Variants in PIMREG observed in about 807,000 individuals in gnomAD.
The protein encoded by PIMREG is protein PIMREG.
PIMREG carries 19 observed loss-of-function variants against 24.3 expected under a neutral mutation model. The observed-to-expected ratio is 0.78, with a 90% CI of 0.54 to 1.15. PIMREG has a LOEUF of 1.15. Among genes scored for constraint, PIMREG ranks in the 50% most tolerant of loss-of-function variants. The probability of loss-of-function intolerance (pLI) is 0.00; values close to 1 mark genes in which losing one functional copy is unlikely to be tolerated. For missense variants in PIMREG, 283 were observed against 306.8 expected (o/e 0.92, Z 0.58); for synonymous variants, 112 against 124.1 (o/e 0.90, Z 0.65).
chr17:6,445,265 G>A lies in PIMREG; in HGVS notation c.155G>A (p.Arg52Lys). 1 of 1,614,000 alleles carries A rather than the reference G, an allele frequency of 6.2e-7. No individual in the cohort carries two copies. Among genetic ancestry groups the A allele is most frequent in the Non-Finnish European group, 8.5e-7 (1 of 1,179,982 alleles). Residue 52 changes from arginine (R) to lysine (K), a missense_variant, in exon 2 of 6, where the codon AGG becomes AAG. By Grantham distance (26) the Arg-to-Lys change is conservative. Coordinates refer to ENST00000572447, the MANE Select transcript of PIMREG (RefSeq NM_019013.3). ...GGGTCCCTGTGCAGACAGTTCCAAA[G>A]GAGGCTGCCCCTGAGAGCCGTCAAC... ...ALGSLCRQFQ[R>K]RLPLRAVNLN...
In PIMREG at chr17:6,447,703, CG is replaced by C; in HGVS notation, c.538del (p.Glu180ArgfsTer24). On this transcript the variant is annotated frameshift_variant, in exon 3 of 6. Coordinates refer to ENST00000572447, the MANE Select transcript of PIMREG (RefSeq NM_019013.3). LOFTEE classifies it high-confidence loss of function. Reference protein sequence around the residue: ...SHAHPLRRSRREAAFRSPYSS... With the variant: ...SHAHPLRRSRXEAAFRSPYSS... ...TGCCCACCCATTACGGCGATCAAGG[CG>C]GGAGGCTGCCTTCCGGAGCCCCTAC... 6.2e-7 allele frequency: 1 copy of C among 1,613,860 alleles called. No homozygotes were observed. Among genetic ancestry groups the C allele is most frequent in the South Asian group, 1.1e-5 (1 of 91,068 alleles).
At chr17:6,446,056 G>C in intron 2 of PIMREG, 1 of 401,262 alleles carries the variant, frequency 2.5e-6, no homozygotes, top group Non-Finnish European at 4.4e-6. Context: ...AATAGAGGCA[G>C]AGATGCTCCT....
At position 6,447,594 on chromosome 17, in the gene PIMREG, G is replaced by A. The variant is rs773679845; in HGVS notation, c.426G>A (p.Arg142=). ...PTHSLSQKST[R]LSGAAPAHSA... is the part of the protein sequence containing the mutation. ...ACAGCCTGAGCCAGAAGAGCACCCG[G>A]CTGTCTGGAGCCGCCCCTGCCCACT... Residue 142 remains arginine (R), a synonymous_variant, in exon 3 of 6, where the codon CGG becomes CGA. Transcript: ENST00000572447. The A allele has an allele frequency of 3.6e-5, 58 of 1,613,950 alleles. No individual in the cohort carries two copies. Among genetic ancestry groups the A allele is most frequent in the Non-Finnish European group, 4.5e-5 (53 of 1,180,004 alleles).
intron 2 of PIMREG, among the ~76,000 whole-genome samples, chr17:6,446,694 G>A (rs2280110): frequency 0.21 from 31,883 of 152,016 alleles, 3,789 homozygotes; most frequent in Middle Eastern, 0.32. Context: ...TGAGTGTCAC[G>A]GTCAGAACTG....
At position 6,445,150 on chromosome 17, in the gene PIMREG, C is replaced by T. The variant is rs748576011; in HGVS notation, c.40C>T (p.Arg14Trp). 1.3e-5 allele frequency: 21 copies of T among 1,610,118 alleles called. No homozygotes were observed. The highest frequency in any genetic ancestry group is 9.9e-5 in the South Asian group (9 of 90,810). ...GCAGAACATGGGGACCTCCGTGCGC[C>T]GGAGATCTCTCCAGCACCAGGAGCA... ...RWQNMGTSVR[R>W]RSLQHQEQLE... Residue 14 changes from arginine (R) to tryptophan (W), a missense_variant, in exon 2 of 6, where the codon CGG (arginine) becomes TGG (tryptophan). Physicochemically the swap from Arg to Trp is moderately radical, Grantham distance 101 (BLOSUM62 -3). Transcript: ENST00000572447.
intron 4 of PIMREG, chr17:6,449,718 C>G (rs181910532): frequency 1.4e-6 from 2 of 1,394,558 alleles, no homozygotes; most frequent in East Asian, 5.2e-5. Context: ...CTCCGTGGCT[C>G]GTCTGTGCCC....
At chr17:6,449,661 C>A in intron 4 of PIMREG, 5 of 1,380,552 alleles carry the variant, frequency 3.6e-6, no homozygotes, top group Non-Finnish European at 4.7e-6. Context: ...TCACTTGGAA[C>A]CTCACGTGTG....
intron 4 of PIMREG, 168 bp from the exon 5 acceptor site, chr17:6,449,860 C>T: frequency 2.2e-6 from 3 of 1,389,538 alleles, no homozygotes; most frequent in Non-Finnish European, 2.9e-6. Flanking sequence ...CCCCATTCCA[C>T]TTGTATAATG....
chr17:6,449,712 G>A (rs988838331), intron 4 of PIMREG: 17 of 1,394,746 alleles, frequency 1.2e-5, no homozygotes, highest in South Asian at 5.4e-5. Flanking sequence ...AGAACTCTCC[G>A]TGGCTCGTCT....
intron 2 of PIMREG, among the ~76,000 whole-genome samples, chr17:6,446,591 C>G (rs1020914466): frequency 2.6e-5 from 4 of 152,112 alleles, no homozygotes; most frequent in African/African-American, 9.7e-5. Flanking sequence ...TGAAGAAGAG[C>G]CTTCACGGCT....
Position 6,450,515 on chromosome 17 carries a change from A to C in PIMREG, c.*168A>C. The C allele has an allele frequency of 1.1e-6, 1 of 950,898 alleles. No individual in the cohort carries two copies. The highest frequency in any genetic ancestry group is 1.7e-5 in the South Asian group (1 of 60,428). 58.9% of individuals were successfully genotyped at this position (950,898 alleles called of 1,614,324 possible). A position where few individuals can be genotyped will look rare whatever the true frequency, so the allele number is the denominator to read the frequency against. ...GGGCCCAGAGCCCCCTGCTCCAGCC[A>C]CATCTGGACCCATCAGTGACTGCCT... On this transcript the variant is annotated 3_prime_UTR_variant, in exon 6 of 6. Coordinates refer to ENST00000572447, the MANE Select transcript of PIMREG (RefSeq NM_019013.3).
rs1913525756 is a variant in PIMREG, at chr17:6,445,219, G to C, written c.109G>C (p.Glu37Gln). 6.2e-7 allele frequency: 1 copy of C among 1,613,686 alleles called. No homozygotes were observed. Among genetic ancestry groups the C allele is most frequent in the Admixed American group, 1.7e-5 (1 of 59,998 alleles). ...KELQPVVSHQETSVGALGSLC... is the reference protein window; with the variant it reads ...KELQPVVSHQQTSVGALGSLC... ...GCTGCAGCCTGTGGTCAGCCATCAGGAGACCTCTGTAGGGGCCCTGGGGTC... is the reference window on the plus strand; with the variant it reads ...GCTGCAGCCTGTGGTCAGCCATCAGCAGACCTCTGTAGGGGCCCTGGGGTC... The change falls in exon 2 of 6, where the codon GAG becomes CAG. Residue 37 changes from glutamate (E) to glutamine (Q), a missense_variant. Glu to Gln is a conservative substitution (Grantham distance 29, BLOSUM62 2). Coordinates refer to ENST00000572447, the MANE Select transcript of PIMREG (RefSeq NM_019013.3).
In PIMREG at chr17:6,445,301, G is replaced by A. The variant is rs143072744; in HGVS notation, c.191G>A (p.Arg64His). Residue 64 changes from arginine (R) to histidine (H), a missense_variant, in exon 2 of 6, where the codon CGC becomes CAC. Coordinates refer to ENST00000572447, the MANE Select transcript of PIMREG (RefSeq NM_019013.3). ...LPLRAVNLNLRAGPSWKRLET... is the reference protein window; with the variant it reads ...LPLRAVNLNLHAGPSWKRLET... ...CTGAGAGCCGTCAACCTCAACCTCC[G>A]CGCAGGGCCCTCCTGGAAACGCCTG... 21 of 1,613,908 alleles carry A rather than the reference G, an allele frequency of 1.3e-5. No individual in the cohort carries two copies. The highest frequency in any genetic ancestry group is 2.2e-5 in the South Asian group (2 of 91,074).
Position 6,450,480 on chromosome 17 carries a change from A to G in PIMREG, c.*133A>G. On this transcript the variant is annotated 3_prime_UTR_variant, in exon 6 of 6. Transcript: ENST00000572447. ...TACCCCTGGGCCACTGCTAACAAGC[A>G]CCTAACAAGGGGCCCAGAGCCCCCT... 7.1e-7 allele frequency: 1 copy of G among 1,410,792 alleles called. No homozygotes were observed. The highest frequency in any genetic ancestry group is 9.6e-7 in the Non-Finnish European group (1 of 1,037,788). The allele number at this position is 1,410,792 out of a possible 1,614,324, so 87.4% of individuals were successfully genotyped here. A position where few individuals can be genotyped will look rare whatever the true frequency, so the allele number is the denominator to read the frequency against.
In PIMREG at chr17:6,447,560, C is replaced by T. The variant is rs1913628436; in HGVS notation, c.392C>T (p.Ser131Phe). The change falls in exon 3 of 6, where the codon TCC becomes TTC. Residue 131 changes from serine to phenylalanine, a missense_variant. Coordinates refer to ENST00000572447, the MANE Select transcript of PIMREG (RefSeq NM_019013.3). ...AGAGGAGCACAGAAGGGCAGTGGAT[C>T]CCCAACTCACAGCCTGAGCCAGAAG... Reference protein sequence around the residue: ...RKRGAQKGSGSPTHSLSQKST... With the variant: ...RKRGAQKGSGFPTHSLSQKST... 3 of 1,614,130 alleles carry T rather than the reference C, an allele frequency of 1.9e-6. No homozygotes were observed. Among genetic ancestry groups the T allele is most frequent in the Non-Finnish European group, 8.5e-7 (1 of 1,180,028 alleles).
At chr17:6,449,919 G>A (rs1913751713) in intron 4 of PIMREG, 109 bp from the exon 5 acceptor site, 3 of 1,436,556 alleles carry the variant, frequency 2.1e-6, no homozygotes, top group Non-Finnish European at 2.9e-6. Context: ...TGTGTTGAGG[G>A]GCCATATTCC....
Position 6,451,058 on chromosome 17 carries a change from G to C in PIMREG, c.*711G>C, listed in dbSNP as rs1305221494. 1 of 152,144 alleles carries C rather than the reference G, an allele frequency of 6.6e-6. No individual in the cohort carries two copies. The highest frequency in any genetic ancestry group is 1.5e-5 in the Non-Finnish European group (1 of 68,044). 9.4% of individuals were successfully genotyped at this position (152,144 alleles called of 1,614,324 possible). On this transcript the variant is annotated 3_prime_UTR_variant, in exon 6 of 6. Coordinates refer to ENST00000572447, the MANE Select transcript of PIMREG (RefSeq NM_019013.3). ...TGCTTTCTCATAATAAAGACTATTT[G>C]CATTTGACATCTGTTCCCTTTCACC...
rs35191352 is a variant in PIMREG at position 6,444,825 on chromosome 17, CAG to C, written c.-35-244_-35-243del. On this transcript the variant is annotated intron_variant, in intron 1 of 5. Transcript: ENST00000572447. The surrounding 1 kb of genome is among the most constrained non-coding windows in gnomAD (Gnocchi z 4.3). ...CCCTGCCTCCCCTCCTCGCCTGAGC[CAG>C]AGAGAGGAAGGAGGTTGGGATGAAA... 0.19 allele frequency among the ~76,000 whole-genome samples: 28,659 copies of C among 151,820 alleles called. 3,041 individuals are homozygous for C. The highest frequency in any genetic ancestry group is 0.3 in the Middle Eastern group (88 of 292).
rs1411800435 is a variant in PIMREG, at chr17:6,444,739, TGAA to T, written c.-36+257_-36+259del. On this transcript the variant is annotated intron_variant, in intron 1 of 5. Coordinates refer to ENST00000572447, the MANE Select transcript of PIMREG (RefSeq NM_019013.3). This position sits in a 1 kb window ranked among gnomAD's most constrained non-coding sequence, Gnocchi z 4.3. The stretch of plus-strand genomic sequence containing the variant: ...TGCGCGTTTGGTCTGGGCGAGCTGG[TGAA>T]GAAGATGGTGATCGTGTCCTGGGCC... 1.3e-5 allele frequency among the ~76,000 whole-genome samples: 2 copies of T among 151,952 alleles called. No individual in the cohort carries two copies. Among genetic ancestry groups the T allele is most frequent in the Non-Finnish European group, 2.9e-5 (2 of 67,988 alleles).
Sources: allele counts gnomAD v4.1 joint callset (sites outside exome capture counted in the v4.1 genomes callset), GRCh38; gene constraint gnomAD v4.1.1; non-coding constraint Gnocchi (gnomAD v3.1); transcripts MANE v1.5; gene names NCBI Gene and HGNC (gene_info 2026-07-23, HGNC 2026-07-21).